Variants in STARD13 observed in about 807,000 individuals in gnomAD.
STARD13 encodes the protein StAR related lipid transfer domain containing 13.
In STARD13, 62 loss-of-function variants were observed where a neutral mutation model predicts 106.4. The observed-to-expected ratio is 0.58, with a 90% confidence interval of 0.48 to 0.72. The LOEUF is 0.72. Among genes scored for constraint, STARD13 ranks in the 30% least tolerant of loss-of-function variants. STARD13 has a pLI of 0.00. For missense variants in STARD13, 1,387 were observed against 1,424.0 expected (o/e 0.97, Z 0.42); for synonymous variants, 565 against 553.0 (o/e 1.02, Z -0.31).
At chr13:33,518,641 G>T in the STARD13 span, among the ~76,000 whole-genome samples, 3 of 152,042 alleles carry the variant, frequency 2.0e-5, no homozygotes, top group Non-Finnish European at 4.4e-5. Context: ...GGGAGGGTGG[G>T]GAGGATGATA....
At chr13:33,114,933 T>C (rs529817775) in intron 8 of STARD13, among the ~76,000 whole-genome samples, 1 of 152,196 alleles carries the variant, frequency 6.6e-6, no homozygotes, top group East Asian at 1.9e-4. Context: ...CTGCTGCGGG[T>C]CCTGCCCCTT....
chr13:33,621,898 G>C, the STARD13 span, among the ~76,000 whole-genome samples: 1 of 150,546 alleles, frequency 6.6e-6, no homozygotes, highest in African/African-American at 2.4e-5. Context: ...TCCCCCTCCC[G>C]GGTTCAAGCG....
At chr13:33,364,205 C>T in the STARD13 span, among the ~76,000 whole-genome samples, 1 of 152,082 alleles carries the variant, frequency 6.6e-6, no homozygotes, top group Non-Finnish European at 1.5e-5. Flanking sequence ...GTGACTCAAG[C>T]CTGTAATCAT....
chr13:33,207,772 G>A (rs1283321356), intron 1 of STARD13, among the ~76,000 whole-genome samples: 1 of 152,156 alleles, frequency 6.6e-6, no homozygotes, highest in Non-Finnish European at 1.5e-5. Flanking sequence ...ATATGGTGTT[G>A]CAAGTCTTTG....
At chr13:33,517,749 A>C in the STARD13 span, among the ~76,000 whole-genome samples, 1 of 152,176 alleles carries the variant, frequency 6.6e-6, no homozygotes, top group Non-Finnish European at 1.5e-5. Flanking sequence ...ACAGCTGGAC[A>C]TACTCTTGCA....
At chr13:33,268,011 G>A (rs945604646) in intron 1 of STARD13, among the ~76,000 whole-genome samples, 12 of 152,128 alleles carry the variant, frequency 7.9e-5, no homozygotes, top group African/African-American at 2.9e-4. Flanking sequence ...TCTGTGCTTC[G>A]TTTTGGGAAG....
the STARD13 span, among the ~76,000 whole-genome samples, chr13:33,674,215 C>T: frequency 4.9e-4 from 75 of 152,250 alleles, no homozygotes; most frequent in South Asian, 2.3e-3. Context: ...TAAAATACAA[C>T]GGTCTAATTG....
At chr13:33,280,301 T>A (rs1009411008) in intron 1 of STARD13, 1 of 152,128 alleles carries the variant, frequency 6.6e-6, no homozygotes, top group Non-Finnish European at 1.5e-5. Context: ...CTGGGGAAAT[T>A]TTTAAAAGGC....
At chr13:33,544,137 TA>T in the STARD13 span, among the ~76,000 whole-genome samples, 1 of 152,188 alleles carries the variant, frequency 6.6e-6, no homozygotes, top group African/African-American at 2.4e-5. Context: ...TGACTAAAAT[TA>T]AGGACAAAAT....
At chr13:33,197,429 T>TGTGTGG (rs1442965567) in intron 1 of STARD13, among the ~76,000 whole-genome samples, 1 of 151,760 alleles carries the variant, frequency 6.6e-6, no homozygotes, top group Non-Finnish European at 1.5e-5. Context: ...TGTGTGTGTG[T>TGTGTGG]GTGTGTGTGT....
the STARD13 span, among the ~76,000 whole-genome samples, chr13:33,634,549 G>C: frequency 1.3e-5 from 2 of 152,260 alleles, no homozygotes; most frequent in Non-Finnish European, 2.9e-5. Flanking sequence ...GATTTGAATA[G>C]ATACCTCAAA....
At chr13:33,122,872 TG>T (rs1316984281) in intron 7 of STARD13, among the ~76,000 whole-genome samples, 1 of 151,854 alleles carries the variant, frequency 6.6e-6, no homozygotes, top group East Asian at 1.9e-4. Context: ...CTGGCCAACA[TG>T]GTGAAACCCT....
the STARD13 span, among the ~76,000 whole-genome samples, chr13:33,497,345 G>C: frequency 6.6e-6 from 1 of 152,184 alleles, no homozygotes; most frequent in African/African-American, 2.4e-5. Flanking sequence ...CTAAAGGACT[G>C]TGTATAAGGC....
the STARD13 span, among the ~76,000 whole-genome samples, chr13:33,616,095 A>G: frequency 1.3e-5 from 2 of 151,860 alleles, no homozygotes; most frequent in African/African-American, 4.8e-5. Context: ...TCTTGACAGA[A>G]TTAGATTTGC....
At chr13:33,480,692 A>G in the STARD13 span, among the ~76,000 whole-genome samples, 3 of 152,192 alleles carry the variant, frequency 2.0e-5, no homozygotes, top group Admixed American at 2.0e-4. Context: ...ATGCATTCTT[A>G]CACACATGTA....
the STARD13 span, among the ~76,000 whole-genome samples, chr13:33,373,433 TTAGA>T: frequency 1.3e-4 from 20 of 152,156 alleles, no homozygotes; most frequent in Non-Finnish European, 1.9e-4. Flanking sequence ...TAAATATTGA[TTAGA>T]TACCATTTGA....
chr13:33,659,149 G>A, the STARD13 span, among the ~76,000 whole-genome samples: 5 of 151,744 alleles, frequency 3.3e-5, no homozygotes, highest in Non-Finnish European at 5.9e-5. Flanking sequence ...AATGTAACAC[G>A]AAAAGGTGGG....
the STARD13 span, among the ~76,000 whole-genome samples, chr13:33,501,780 G>A: frequency 6.6e-6 from 1 of 152,096 alleles, no homozygotes; most frequent in East Asian, 1.9e-4. Context: ...GGTTACTGTA[G>A]CCTTGTAGTA....
chr13:33,592,699 A>G, the STARD13 span, among the ~76,000 whole-genome samples: 1 of 152,256 alleles, frequency 6.6e-6, no homozygotes, highest in East Asian at 1.9e-4. Flanking sequence ...ATTAAGAACT[A>G]ACTCCTGATT....
Sources: allele counts gnomAD v4.1 joint callset (sites outside exome capture counted in the v4.1 genomes callset), GRCh38; gene constraint gnomAD v4.1.1; transcripts MANE v1.5; gene names NCBI Gene and HGNC (gene_info 2026-07-23, HGNC 2026-07-21).